Variants in CTNND2 observed in about 807,000 individuals in gnomAD.
The protein encoded by CTNND2 is catenin delta 2, also known as catenin delta-2.
A neutral mutation model predicts 144.4 loss-of-function variants in CTNND2; 22 were observed. The observed-to-expected ratio is 0.15, with a 90% CI of 0.11 to 0.22. The LOEUF is 0.22. CTNND2 is among the 10% of genes least tolerant of loss of function. The pLI is 1.00. For synonymous variants in CTNND2, 751 were observed against 695.6 expected (o/e 1.08, Z -1.25); for missense variants, 1,353 against 1,618.8 (o/e 0.84, Z 2.82).
chr5:11,658,894 A>G (rs1026343870), intron 2 of CTNND2, among the ~76,000 whole-genome samples: 9 of 152,204 alleles, frequency 5.9e-5, no homozygotes, highest in Non-Finnish European at 1.3e-4. Context: ...TAGTTTACAA[A>G]GGACTACTGA....
chr5:11,694,551 T>C (rs764198976), intron 2 of CTNND2, among the ~76,000 whole-genome samples: 1 of 152,188 alleles, frequency 6.6e-6, no homozygotes, highest in Non-Finnish European at 1.5e-5. Flanking sequence ...CAGAGTATTA[T>C]CTTCTGAGGC....
At chr5:11,826,496 CAA>C (rs1793605343) in intron 1 of CTNND2, among the ~76,000 whole-genome samples, 1 of 151,726 alleles carries the variant, frequency 6.6e-6, no homozygotes, top group Admixed American at 6.6e-5. Context: ...GATGTAAACC[CAA>C]AATACAATAA....
At chr5:11,744,031 G>A (rs889853903) in intron 1 of CTNND2, among the ~76,000 whole-genome samples, 9 of 152,184 alleles carry the variant, frequency 5.9e-5, no homozygotes, top group African/African-American at 1.7e-4. Flanking sequence ...AAGATGGAAC[G>A]GTGCTCCTCA....
intron 2 of CTNND2, among the ~76,000 whole-genome samples, chr5:11,631,179 C>G (rs539858419): frequency 6.6e-6 from 1 of 152,172 alleles, no homozygotes; most frequent in South Asian, 2.1e-4. Flanking sequence ...ATATGTTATT[C>G]TAGACATTTT....
At chr5:11,337,711 T>C (rs928683843) in intron 9 of CTNND2, among the ~76,000 whole-genome samples, 1 of 152,204 alleles carries the variant, frequency 6.6e-6, no homozygotes, top group African/African-American at 2.4e-5. Flanking sequence ...AGATTACTCC[T>C]TTAAAGCACT....
chr5:11,089,460 C>A (rs116379376), intron 15 of CTNND2, among the ~76,000 whole-genome samples: 2,156 of 152,278 alleles, frequency 0.014, 58 homozygotes, highest in African/African-American at 0.049. Context: ...ACATGTTTAC[C>A]ATATTGTAAG....
At chr5:11,489,789 CTA>C (rs1339544378) in intron 3 of CTNND2, among the ~76,000 whole-genome samples, 1 of 152,120 alleles carries the variant, frequency 6.6e-6, no homozygotes, top group Non-Finnish European at 1.5e-5. Context: ...AAATTTTAAA[CTA>C]GATTTATTAT....
intron 11 of CTNND2, among the ~76,000 whole-genome samples, chr5:11,164,432 A>G (rs1759097761): frequency 6.6e-6 from 1 of 152,182 alleles, no homozygotes; most frequent in South Asian, 2.1e-4. Context: ...CTCTAAATTC[A>G]TCTTGATCAC....
intron 9 of CTNND2, among the ~76,000 whole-genome samples, chr5:11,262,803 A>C (rs996828335): frequency 1.3e-5 from 2 of 150,916 alleles, no homozygotes; most frequent in African/African-American, 4.9e-5. Context: ...GAAAGAAAGA[A>C]ACGAAATTTG....
chr5:11,601,271 AC>A (rs1463633539), intron 2 of CTNND2, among the ~76,000 whole-genome samples: 5 of 152,156 alleles, frequency 3.3e-5, no homozygotes, highest in African/African-American at 1.2e-4. Flanking sequence ...CATTATTTTC[AC>A]TTTTTTTCTC....
At chr5:11,643,222 A>T (rs1782160012) in intron 2 of CTNND2, among the ~76,000 whole-genome samples, 1 of 151,532 alleles carries the variant, frequency 6.6e-6, no homozygotes, top group Non-Finnish European at 1.5e-5. Context: ...TTTATTTTTT[A>T]TTTTTGTTTT....
chr5:11,423,653 T>C (rs139546968), intron 3 of CTNND2, among the ~76,000 whole-genome samples: 6 of 152,326 alleles, frequency 3.9e-5, no homozygotes, highest in African/African-American at 1.4e-4. Context: ...TGTTGTTGCA[T>C]ACATGTGTGA....
intron 11 of CTNND2, 121 bp from the exon 12 acceptor site, chr5:11,159,880 T>A (rs1758596457): frequency 1.4e-6 from 1 of 695,574 alleles, no homozygotes; most frequent in African/African-American, 1.8e-5. Flanking sequence ...TGGACACACA[T>A]CCTAGAGTGT....
At chr5:10,976,201 A>T (rs1211804958) in intron 21 of CTNND2, among the ~76,000 whole-genome samples, 1 of 104,956 alleles carries the variant, frequency 9.5e-6, no homozygotes, top group Non-Finnish European at 2.2e-5. Context: ...TGTGGTATGG[A>T]CGTCTTGTGG....
intron 10 of CTNND2, among the ~76,000 whole-genome samples, chr5:11,203,402 ATTACT>A (rs1236436472): frequency 1.3e-5 from 2 of 152,070 alleles, no homozygotes; most frequent in African/African-American, 4.8e-5. Flanking sequence ...TCCTCACATT[ATTACT>A]TTAATCATCT....
chr5:11,053,783 T>G (rs1404496022), intron 16 of CTNND2, among the ~76,000 whole-genome samples: 1 of 152,212 alleles, frequency 6.6e-6, no homozygotes, highest in Non-Finnish European at 1.5e-5. Context: ...TGTAGGAGAA[T>G]ATAATGACAG....
chr5:11,895,012 G>A lies in CTNND2; in HGVS notation c.37+8805C>T, dbSNP rs187518230. 2.0e-5 allele frequency among the ~76,000 whole-genome samples: 3 copies of A among 152,332 alleles called. 1 individual carries two copies. Among genetic ancestry groups the A allele is most frequent in the African/African-American group, 7.2e-5 (3 of 41,574 alleles). On this transcript the variant is annotated intron_variant, in intron 1 of 21. Transcript: ENST00000304623. ...GGAGAAGCATGGTCCTATGTGACCA[G>A]AGAGAAGGAGTGTGTGCCTGAGAGC... is the stretch of plus-strand genomic sequence containing the variant.
intron 2 of CTNND2, among the ~76,000 whole-genome samples, chr5:11,722,569 A>C (rs1204769560): frequency 6.6e-6 from 1 of 152,226 alleles, no homozygotes; most frequent in African/African-American, 2.4e-5. Context: ...CCAGTTCCAC[A>C]GGGCCTGGGA....
At chr5:11,120,313 A>G (rs200434420) in intron 12 of CTNND2, among the ~76,000 whole-genome samples, 85 of 47,810 alleles carry the variant, frequency 1.8e-3, no homozygotes, top group Non-Finnish European at 1.9e-3. Flanking sequence ...GGGTTATCAT[A>G]CTGTCTGAAG....
Sources: allele counts gnomAD v4.1 joint callset (sites outside exome capture counted in the v4.1 genomes callset), GRCh38; gene constraint gnomAD v4.1.1; transcripts MANE v1.5; gene names NCBI Gene and HGNC (gene_info 2026-07-23, HGNC 2026-07-21).